The following DHX35 variants were observed in gnomAD, a reference collection of about 807,000 sequenced individuals.
DHX35 encodes DEAH-box helicase 35, also known as probable ATP-dependent RNA helicase DHX35.
Under a neutral mutation model 99.6 loss-of-function variants are expected in DHX35, and 84 were observed. The observed-to-expected ratio is 0.84, with a 90% confidence interval of 0.71 to 1.01. DHX35 has a LOEUF of 1.01. DHX35 is among the 50% of genes least tolerant of loss of function. The pLI, the probability that DHX35 is intolerant of heterozygous loss-of-function variation, is 0.00. For synonymous variants in DHX35, 331 were observed against 316.2 expected (o/e 1.05, Z -0.50); for missense variants, 852 against 888.5 (o/e 0.96, Z 0.52).
At chr20:39,022,738 A>G (rs1459273194) in intron 16 of DHX35, among the ~76,000 whole-genome samples, 3 of 152,262 alleles carry the variant, frequency 2.0e-5, no homozygotes, top group East Asian at 1.9e-4. Context: ...ATTATAAGCT[A>G]GAGAGATCCA....
chr20:39,019,865 T>C (rs2086845568), intron 15 of DHX35, among the ~76,000 whole-genome samples: 1 of 152,210 alleles, frequency 6.6e-6, no homozygotes, highest in Non-Finnish European at 1.5e-5. Context: ...GATCAACACC[T>C]CCTCTTTCTC....
chr20:38,994,631 A>AC (rs35259351), intron 7 of DHX35, among the ~76,000 whole-genome samples, 190 bp from the exon 8 acceptor site: 6,244 of 74,138 alleles, frequency 0.084, 479 homozygotes, highest in Non-Finnish European at 0.11. Context: ...TAGTGTAATG[A>AC]CCCCCCCCCC....
intron 18 of DHX35, among the ~76,000 whole-genome samples, chr20:39,027,709 A>G (rs1022705100): frequency 6.6e-6 from 1 of 152,252 alleles, no homozygotes; most frequent in African/African-American, 2.4e-5. Flanking sequence ...CACCAAAGAA[A>G]AAAAATGCTG....
At chr20:39,000,971 G>A (rs1190687983) in intron 8 of DHX35, among the ~76,000 whole-genome samples, 1 of 152,166 alleles carries the variant, frequency 6.6e-6, no homozygotes, top group African/African-American at 2.4e-5. Context: ...CATTCCCCAA[G>A]AGAGGATCTT....
chr20:38,966,350 G>A (rs567618508), intron 1 of DHX35, among the ~76,000 whole-genome samples: 74 of 152,306 alleles, frequency 4.9e-4, no homozygotes, highest in Non-Finnish European at 8.4e-4. Flanking sequence ...AAGGTATACT[G>A]TTTATCAACT....
intron 15 of DHX35, 34 bp from the exon 16 acceptor site, chr20:39,021,807 A>G (rs2086876424): frequency 1.2e-6 from 2 of 1,603,018 alleles, no homozygotes; most frequent in Non-Finnish European, 8.5e-7. Context: ...GGCACATTAT[A>G]TGGTTGAAAC....
intron 3 of DHX35, among the ~76,000 whole-genome samples, chr20:38,982,119 C>T (rs1182092801): frequency 1.3e-5 from 2 of 152,086 alleles, no homozygotes; most frequent in Non-Finnish European, 2.9e-5. Context: ...ATTTTAAACA[C>T]CATGAGTTTA....
chr20:39,016,321 C>T (rs1349654177), intron 14 of DHX35, among the ~76,000 whole-genome samples: 1 of 152,136 alleles, frequency 6.6e-6, no homozygotes, highest in Non-Finnish European at 1.5e-5. Flanking sequence ...CATACACTTC[C>T]CAGTAGGCCC....
intron 16 of DHX35, among the ~76,000 whole-genome samples, chr20:39,023,067 T>C (rs184375264): frequency 1.8e-4 from 27 of 152,374 alleles, no homozygotes; most frequent in Admixed American, 1.4e-3. Flanking sequence ...TGTCTGTTTT[T>C]GTTTAGTTTT....
At chr20:38,998,511 A>G (rs1168483347) in intron 8 of DHX35, among the ~76,000 whole-genome samples, 1 of 152,188 alleles carries the variant, frequency 6.6e-6, no homozygotes, top group African/African-American at 2.4e-5. Flanking sequence ...GCAGATGGCC[A>G]TATCATTTAC....
chr20:38,997,050 ATTTATT>A (rs2086441532), intron 8 of DHX35, among the ~76,000 whole-genome samples: 1 of 106,078 alleles, frequency 9.4e-6, no homozygotes, highest in African/African-American at 4.1e-5. Flanking sequence ...GATTCATTTT[ATTTATT>A]TATTTATTTA....
intron 11 of DHX35, 63 bp from the exon 12 acceptor site, chr20:39,006,083 A>G: frequency 7.1e-6 from 11 of 1,544,474 alleles, no homozygotes; most frequent in Non-Finnish European, 9.8e-6. Context: ...TAGGATTTTT[A>G]CGAGTTTGTT....
intron 7 of DHX35, among the ~76,000 whole-genome samples, chr20:38,993,381 C>A (rs1010542161): frequency 6.6e-6 from 1 of 151,600 alleles, no homozygotes; most frequent in African/African-American, 2.4e-5. Context: ...TTTTTTGAGA[C>A]GGAGTTTTGC....
rs115368590 is a variant in DHX35 at position 39,014,202 on chromosome 20, T to C, written c.1348-678T>C. Among the ~76,000 whole-genome samples, 1,081 of 152,340 alleles carry C rather than the reference T, an allele frequency of 7.1e-3. 10 individuals are homozygous for C. Among genetic ancestry groups the C allele is most frequent in the African/African-American group, 0.024 (980 of 41,576 alleles). ...ACTGTAATTTTATTACCTGGGTTATTAGAAACCACATAATTTAGAGAGAAA... is the reference window on the plus strand; with the variant it reads ...ACTGTAATTTTATTACCTGGGTTATCAGAAACCACATAATTTAGAGAGAAA... On this transcript the variant is annotated intron_variant, in intron 13 of 21. Coordinates refer to ENST00000252011, the MANE Select transcript of DHX35 (RefSeq NM_021931.4).
intron 20 of DHX35, among the ~76,000 whole-genome samples, chr20:39,032,237 T>G (rs114508818): frequency 0.012 from 1,900 of 152,350 alleles, 39 homozygotes; most frequent in African/African-American, 0.041. Flanking sequence ...AGTGGTGTGA[T>G]CTTGGCTCAC....
chr20:39,003,896 A>G lies in DHX35; in HGVS notation c.1000A>G (p.Ser334Gly), dbSNP rs141059905. The G allele has an allele frequency of 2.5e-6, 4 of 1,614,000 alleles. No homozygotes were observed. The highest frequency in any genetic ancestry group is 1.3e-5 in the African/African-American group (1 of 74,920). Reference sequence around the variant, plus strand: ...GAAAGTGTTTGAAAGGGTGTCACGCAGTGTCAGAAAGGTGAGACTATCCTG... The same window carrying G: ...GAAAGTGTTTGAAAGGGTGTCACGCGGTGTCAGAAAGGTGAGACTATCCTG... ...QMKVFERVSR[S>G]VRKVIVATNV... The change falls in exon 11 of 22, where the codon AGT becomes GGT. Residue 334 changes from serine to glycine, a missense_variant. Transcript: ENST00000252011.
intron 9 of DHX35, among the ~76,000 whole-genome samples, 172 bp downstream of exon 9, chr20:39,002,014 G>A (rs2086528541): frequency 6.6e-6 from 1 of 152,220 alleles, no homozygotes; most frequent in Non-Finnish European, 1.5e-5. Flanking sequence ...GCTGAATTTA[G>A]TTTAAACTGT....
rs547351408 is a variant in DHX35 at position 39,004,095 on chromosome 20, C to T, written c.1011+188C>T. Among the ~76,000 whole-genome samples, 8 of 152,140 alleles carry T rather than the reference C, an allele frequency of 5.3e-5. No individual in the cohort carries two copies. In the East Asian group the frequency reaches 1.3e-3, roughly 26 times the overall value. ...CTTTTTTTTTTGAGATGGAGTCTCG[C>T]TCTGTTGCCCAGGCTGGAGTGCAGT... On this transcript the variant is annotated intron_variant, in intron 11 of 21. Transcript: ENST00000252011.
chr20:39,025,920 A>T (rs1476020496), intron 18 of DHX35, among the ~76,000 whole-genome samples: 20 of 151,952 alleles, frequency 1.3e-4, no homozygotes, highest in Admixed American at 1.3e-3. Context: ...TCAATCTCGC[A>T]CTCTGTGAGG....
Sources: gnomAD v4.1 joint callset for allele counts (sites outside exome capture counted in the v4.1 genomes callset) on GRCh38, gnomAD v4.1.1 for gene constraint, MANE v1.5 for transcripts, NCBI Gene and HGNC (gene_info 2026-07-23, HGNC 2026-07-21) for gene names.